Variants in RHPN2 observed in about 807,000 individuals in gnomAD.
RHPN2 encodes rhophilin Rho GTPase binding protein 2, also known as rhophilin-2.
Under a neutral mutation model 79.0 loss-of-function variants are expected in RHPN2, and 40 were observed. The observed-to-expected ratio is 0.51, with a 90% CI of 0.39 to 0.66. The LOEUF (loss-of-function observed/expected upper bound fraction) is 0.66. Ranked by LOEUF, RHPN2 falls within the 30% of genes least tolerant of loss-of-function variation. The probability of loss-of-function intolerance (pLI) is 0.00; values close to 1 mark genes in which losing one functional copy is unlikely to be tolerated. For missense variants in RHPN2, 686 were observed against 883.5 expected, an observed-to-expected ratio of 0.78 and a Z score of 2.83; for synonymous variants, 285 against 363.5, an observed-to-expected ratio of 0.78 and a Z score of 2.46.
chr19:32,989,963 G>C (rs1437964170), intron 14 of RHPN2, among the ~76,000 whole-genome samples: 1 of 152,108 alleles, frequency 6.6e-6, no homozygotes, highest in Non-Finnish European at 1.5e-5. Flanking sequence ...AAATTAGCCA[G>C]GCATGTTGGC....
At position 32,990,505 on chromosome 19, in the gene RHPN2, A is replaced by G. The variant is rs1299777824; in HGVS notation, c.1800+9T>C. 1 of 1,613,598 alleles carries G rather than the reference A, an allele frequency of 6.2e-7. No individual in the cohort carries two copies. The highest frequency in any genetic ancestry group is 8.5e-7 in the Non-Finnish European group (1 of 1,179,776). On this transcript the variant is annotated intron_variant, in intron 14 of 14. Transcript: ENST00000254260. Reference sequence around the variant, plus strand: ...ACCACTGACTGCCCAGGGAGGTGTCAGCGCTCACCATGGATGATGTGGAGT... The same window carrying G: ...ACCACTGACTGCCCAGGGAGGTGTCGGCGCTCACCATGGATGATGTGGAGT...
intron 6 of RHPN2, among the ~76,000 whole-genome samples, chr19:33,009,191 C>G (rs1226071739): frequency 6.6e-6 from 1 of 151,896 alleles, no homozygotes; most frequent in Admixed American, 6.6e-5. Context: ...CACTGTCATT[C>G]TATGTTGGCC....
chr19:33,021,441 C>T (rs1971923017), intron 4 of RHPN2, 130 bp downstream of exon 4: 2 of 739,092 alleles, frequency 2.7e-6, no homozygotes, highest in East Asian at 5.5e-5. Context: ...ACTGCAGCCT[C>T]CAGTTCCTGG....
At chr19:33,001,161 G>A (rs547487050) in intron 9 of RHPN2, among the ~76,000 whole-genome samples, 1 of 152,308 alleles carries the variant, frequency 6.6e-6, no homozygotes, top group African/African-American at 2.4e-5. Flanking sequence ...TGGAAGAGCT[G>A]AGATATGAAC....
chr19:33,031,547 A>C (rs1972012247), intron 2 of RHPN2, among the ~76,000 whole-genome samples: 1 of 148,784 alleles, frequency 6.7e-6, no homozygotes, highest in Admixed American at 6.7e-5. Context: ...GCCCAGCCTT[A>C]TTTTATTTTT....
chr19:33,035,123 A>G (rs1035730732), intron 2 of RHPN2, among the ~76,000 whole-genome samples: 2 of 151,782 alleles, frequency 1.3e-5, no homozygotes, highest in African/African-American at 2.4e-5. Context: ...GTGCCACCAC[A>G]CCCAGCTAAT....
At chr19:33,019,747 A>C (rs185772791) in intron 4 of RHPN2, among the ~76,000 whole-genome samples, 2 of 151,984 alleles carry the variant, frequency 1.3e-5, no homozygotes, top group Non-Finnish European at 2.9e-5. Flanking sequence ...CTGGGTGAAA[A>C]AGTGAGACTC....
At chr19:33,050,791 G>A (rs1257263187) in intron 1 of RHPN2, among the ~76,000 whole-genome samples, 3 of 152,092 alleles carry the variant, frequency 2.0e-5, no homozygotes, top group Non-Finnish European at 2.9e-5. Context: ...CGATTCTCCT[G>A]CCTCAGCCTC....
intron 1 of RHPN2, among the ~76,000 whole-genome samples, chr19:33,054,767 G>C (rs1972218320): frequency 2.0e-5 from 3 of 152,260 alleles, no homozygotes; most frequent in Non-Finnish European, 2.9e-5. Context: ...TGAGCCAAAG[G>C]AGGAAGTGTT....
chr19:32,989,151 C>A (rs968314812), intron 14 of RHPN2, among the ~76,000 whole-genome samples: 2 of 151,918 alleles, frequency 1.3e-5, no homozygotes, highest in African/African-American at 4.8e-5. Flanking sequence ...ACTCTGTTGC[C>A]CAGGCTGGAG....
At position 32,994,056 on chromosome 19, in the gene RHPN2, A is replaced by G. The variant is rs746811311; in HGVS notation, c.1421-3T>C. On this transcript the variant is annotated splice_region_variant and splice_polypyrimidine_tract_variant and intron_variant, in intron 11 of 14. Transcript: ENST00000254260. ...GTCAACCTCTTGCTCAGTTTTAGCT[A>G]GAATAGAGGATTAGAAATGGGAGGA... 3 of 1,601,944 alleles carry G rather than the reference A, an allele frequency of 1.9e-6. No homozygotes were observed. The highest frequency in any genetic ancestry group is 2.2e-5 in the South Asian group (2 of 90,804).
chr19:33,036,870 G>GCCCCC (rs199550754), intron 2 of RHPN2, among the ~76,000 whole-genome samples: 217 of 141,378 alleles, frequency 1.5e-3, no homozygotes, highest in African/African-American at 5.8e-3. Context: ...CCATGCCTGA[G>GCCCCC]CCCCCCCGCC....
intron 14 of RHPN2, among the ~76,000 whole-genome samples, chr19:32,988,216 A>C (rs1372756477): frequency 2.1e-5 from 3 of 145,228 alleles, no homozygotes; most frequent in Non-Finnish European, 3.0e-5. Flanking sequence ...CAACAACAAA[A>C]AAAAAAACAA....
intron 7 of RHPN2, among the ~76,000 whole-genome samples, chr19:33,004,030 A>T (rs1971771629): frequency 1.3e-5 from 2 of 152,120 alleles, no homozygotes; most frequent in African/African-American, 4.8e-5. Flanking sequence ...TATACTTTTT[A>T]AAAATGTATT....
At chr19:33,056,095 T>G (rs1972230146) in intron 1 of RHPN2, among the ~76,000 whole-genome samples, 1 of 143,744 alleles carries the variant, frequency 7.0e-6, no homozygotes, top group African/African-American at 2.6e-5. Flanking sequence ...TGCTTTTCTT[T>G]TCTTTTTTTT....
At chr19:33,041,301 A>G (rs754544740) in intron 2 of RHPN2, among the ~76,000 whole-genome samples, 3 of 152,062 alleles carry the variant, frequency 2.0e-5, no homozygotes, top group Non-Finnish European at 2.9e-5. Context: ...TACAACTGAA[A>G]CCACCCATGG....
intron 1 of RHPN2, among the ~76,000 whole-genome samples, chr19:33,047,590 C>G (rs1972152196): frequency 6.6e-6 from 1 of 152,160 alleles, no homozygotes; most frequent in Non-Finnish European, 1.5e-5. Context: ...AGAGACTGCC[C>G]TTTCTCTCTC....
chr19:33,029,503 G>A (rs1241195683), intron 2 of RHPN2, among the ~76,000 whole-genome samples: 32 of 146,996 alleles, frequency 2.2e-4, no homozygotes, highest in Admixed American at 6.9e-4. Context: ...TCCAGCCTGG[G>A]CGACAGAGCG....
In RHPN2 at chr19:32,998,554, G is replaced by T. The variant is rs545378326; in HGVS notation, c.1225+1032C>A. On this transcript the variant is annotated intron_variant, in intron 10 of 14. Coordinates refer to ENST00000254260, the MANE Select transcript of RHPN2 (RefSeq NM_033103.5). ...CCCAGCTACTCAGGAGGCTGAGGCA[G>T]GAAGATCACTTGAAGCCAGGAGTTC... 2.6e-5 allele frequency among the ~76,000 whole-genome samples: 4 copies of T among 152,100 alleles called. No homozygotes were observed. The East Asian group carries it at 7.8e-4, about 30-fold the overall frequency.
Sources: allele counts gnomAD v4.1 joint callset (sites outside exome capture counted in the v4.1 genomes callset), GRCh38; gene constraint gnomAD v4.1.1; transcripts MANE v1.5; gene names NCBI Gene and HGNC (gene_info 2026-07-23, HGNC 2026-07-21).